The following SLC22A23 variants were observed in gnomAD, a reference collection of about 807,000 sequenced individuals.
SLC22A23 encodes the protein ion transporter protein.
A neutral mutation model predicts 61.0 loss-of-function variants in SLC22A23; 26 were observed. The observed-to-expected ratio is 0.43, with a 90% CI of 0.31 to 0.59. SLC22A23 has a LOEUF of 0.59. Among genes scored for constraint, SLC22A23 ranks in the 20% least tolerant of loss-of-function variants. The pLI is 0.11. For missense variants in SLC22A23, 796 were observed against 934.7 expected (o/e 0.85, Z 1.94); for synonymous variants, 430 against 413.9 (o/e 1.04, Z -0.47).
chr6:3,422,197 T>C (rs1265296380), intron 1 of SLC22A23, among the ~76,000 whole-genome samples: 3 of 152,194 alleles, frequency 2.0e-5, no homozygotes, highest in African/African-American at 7.2e-5. Context: ...CGCAGGAATT[T>C]AGAGAAATGT....
chr6:3,299,998 CTTTTTTTTTTTTTTTTTT>C (rs869114176), intron 4 of SLC22A23, among the ~76,000 whole-genome samples: 1,064 of 78,830 alleles, frequency 0.013, 41 homozygotes, highest in African/African-American at 0.044. Flanking sequence ...TCAGGATAGA[CTTTTTTTTTTTTTTTTTT>C]TTTTTTTTTT....
chr6:3,337,297 G>A (rs992198704), intron 3 of SLC22A23, among the ~76,000 whole-genome samples: 1 of 152,206 alleles, frequency 6.6e-6, no homozygotes, highest in Non-Finnish European at 1.5e-5. Flanking sequence ...GACTATGTGT[G>A]CCTAAGGCGG....
Position 3,360,171 on chromosome 6 carries a change from G to A in SLC22A23, c.914-36169C>T, listed in dbSNP as rs1174260779. Among the ~76,000 whole-genome samples the A allele has an allele frequency of 6.6e-6, 1 of 152,334 alleles. No homozygotes were observed. Among genetic ancestry groups the A allele is most frequent in the South Asian group, 2.1e-4 (1 of 4,828 alleles). ...TTGGGAAGATGAAAAGACCTCTAGA[G>A]ATGAAGGGTGGTGATGGCTGTGTAA... On this transcript the variant is annotated intron_variant, in intron 3 of 9. Coordinates refer to ENST00000406686, the MANE Select transcript of SLC22A23 (RefSeq NM_015482.2). This position sits in a 1 kb window ranked among gnomAD's most constrained non-coding sequence, Gnocchi z 4.6.
intron 3 of SLC22A23, among the ~76,000 whole-genome samples, chr6:3,346,057 T>A (rs1425567334): frequency 6.6e-6 from 1 of 152,180 alleles, no homozygotes; most frequent in African/African-American, 2.4e-5. Flanking sequence ...ACTTCAGCAT[T>A]TGAAATGTTC....
chr6:3,298,978 C>CAAAAAAA (rs56373817), intron 4 of SLC22A23, among the ~76,000 whole-genome samples: 9,879 of 103,080 alleles, frequency 0.096, 808 homozygotes, highest in African/African-American at 0.25. Context: ...GACTCCGTCT[C>CAAAAAAA]AAAAAAAAAA....
chr6:3,289,706 C>T, intron 6 of SLC22A23, 58 bp downstream of exon 6: 1 of 1,457,734 alleles, frequency 6.9e-7, no homozygotes, highest in South Asian at 1.2e-5. Context: ...CTTCACCACT[C>T]CCCACCTTCT....
chr6:3,325,276 G>A (rs923848900), intron 3 of SLC22A23, among the ~76,000 whole-genome samples: 1 of 152,130 alleles, frequency 6.6e-6, no homozygotes, highest in Admixed American at 6.5e-5. Flanking sequence ...AGGTCAGAAG[G>A]CAATAAGGGA....
rs1288137455 is a variant in SLC22A23 at position 3,273,060 on chromosome 6, T to TG, written c.2055dup (p.Met686HisfsTer67). Reference sequence around the variant, plus strand: ...CCCGGGTTCCGCAGGCCGGGCTACATGGCCTTCATGCCGTTGGCCGTGGCA... The same window carrying TG: ...CCCGGGTTCCGCAGGCCGGGCTACATGGGCCTTCATGCCGTTGGCCGTGGCA... On this transcript the variant is annotated frameshift_variant, in exon 10 of 10. Transcript: ENST00000406686. LOFTEE classifies it high-confidence loss of function. 5.1e-6 allele frequency: 8 copies of TG among 1,556,758 alleles called. No homozygotes were observed. Among genetic ancestry groups the TG allele is most frequent in the Non-Finnish European group, 6.1e-6 (7 of 1,152,660 alleles).
chr6:3,294,673 A>G (rs77466160), intron 5 of SLC22A23, among the ~76,000 whole-genome samples: 2,843 of 152,260 alleles, frequency 0.019, 60 homozygotes, highest in African/African-American at 0.047. Context: ...CTCAGGAACT[A>G]ATGACACAGG....
rs959905747 is a variant in SLC22A23 at position 3,281,937 on chromosome 6, T to C, written c.1703+1915A>G. On this transcript the variant is annotated intron_variant, in intron 9 of 9. Coordinates refer to ENST00000406686, the MANE Select transcript of SLC22A23 (RefSeq NM_015482.2). ...CAAGCTGAATCTGAGAACATGTTTG[T>C]TGAATTTCTATCCTCAAATCTTTCC... Among the ~76,000 whole-genome samples the C allele has an allele frequency of 8.5e-5, 13 of 152,214 alleles. No individual in the cohort carries two copies. The East Asian group carries it at 1.5e-3, about 18-fold the overall frequency.
In SLC22A23 at chr6:3,298,234, G is replaced by C; in HGVS notation, c.1083-16C>G. 6.3e-7 allele frequency: 1 copy of C among 1,587,150 alleles called. No individual in the cohort carries two copies. The highest frequency in any genetic ancestry group is 1.2e-5 in the South Asian group (1 of 85,996). On this transcript the variant is annotated splice_polypyrimidine_tract_variant and intron_variant, in intron 4 of 9. Transcript: ENST00000406686. ...GGGGAATATCCTTTAAAGACACAAA[G>C]GGGATCAGTGAATGTCTTCCGATTC...
intron 1 of SLC22A23, among the ~76,000 whole-genome samples, chr6:3,425,039 T>C (rs977414099): frequency 1.3e-5 from 2 of 152,208 alleles, no homozygotes; most frequent in African/African-American, 4.8e-5. Flanking sequence ...TCCACCCGTG[T>C]TCACTGTGCT....
At chr6:3,283,787 G>T (rs1231610619) in intron 9 of SLC22A23, 65 bp downstream of exon 9, 3 of 1,604,188 alleles carry the variant, frequency 1.9e-6, no homozygotes. Flanking sequence ...CACCAGCCTG[G>T]AGCCAGGGAC....
chr6:3,404,848 A>G (rs1375854460), intron 3 of SLC22A23, among the ~76,000 whole-genome samples: 1 of 152,152 alleles, frequency 6.6e-6, no homozygotes, highest in East Asian at 1.9e-4. Context: ...CCGCAGGGTT[A>G]GTAATGTGTT....
chr6:3,403,431 G>T lies in SLC22A23; in HGVS notation c.913+6757C>A, dbSNP rs530349736. 6.6e-5 allele frequency among the ~76,000 whole-genome samples: 10 copies of T among 152,294 alleles called. No homozygotes were observed. The East Asian group carries it at 1.9e-3, about 29-fold the overall frequency. On this transcript the variant is annotated intron_variant, in intron 3 of 9. Coordinates refer to ENST00000406686, the MANE Select transcript of SLC22A23 (RefSeq NM_015482.2). ...TAAGAGAGGCGAATGGAGCAAGCAGGAAAGGATTTCCAGCAGGGGCCAGCA... is the reference window on the plus strand; with the variant it reads ...TAAGAGAGGCGAATGGAGCAAGCAGTAAAGGATTTCCAGCAGGGGCCAGCA...
chr6:3,287,338 A>G (rs887858502), intron 6 of SLC22A23, among the ~76,000 whole-genome samples: 1 of 152,240 alleles, frequency 6.6e-6, no homozygotes, highest in African/African-American at 2.4e-5. Context: ...TGGCTTTAAT[A>G]GACAGGTGTG....
At chr6:3,275,705 C>T (rs1758828241) in intron 9 of SLC22A23, among the ~76,000 whole-genome samples, 1 of 152,190 alleles carries the variant, frequency 6.6e-6, no homozygotes, top group Non-Finnish European at 1.5e-5. Context: ...GCCTCAGCCT[C>T]CTGAGTAGCT....
intron 1 of SLC22A23, among the ~76,000 whole-genome samples, chr6:3,426,476 T>C (rs115474445): frequency 4.9e-4 from 74 of 150,890 alleles, no homozygotes; most frequent in Non-Finnish European, 9.2e-4. Flanking sequence ...CCCAAACTCT[T>C]ACAACAGGAA....
At chr6:3,421,805 G>A (rs1184886851) in intron 1 of SLC22A23, among the ~76,000 whole-genome samples, 3 of 152,098 alleles carry the variant, frequency 2.0e-5, no homozygotes, top group Non-Finnish European at 2.9e-5. Context: ...AAACCTTTTC[G>A]CCTTCTCGGA....
Sources: allele counts gnomAD v4.1 joint callset (sites outside exome capture counted in the v4.1 genomes callset), GRCh38; gene constraint gnomAD v4.1.1; non-coding constraint Gnocchi (gnomAD v3.1); transcripts MANE v1.5; gene names NCBI Gene and HGNC (gene_info 2026-07-23, HGNC 2026-07-21).